UBR3: variants seen among roughly 807,000 people sequenced by gnomAD.
The protein encoded by UBR3 is ubiquitin protein ligase E3 component n-recognin 3.
In UBR3, 85 loss-of-function variants were observed where a neutral mutation model predicts 243.2. That is an observed-to-expected ratio of 0.35 (90% CI 0.29 to 0.42). The LOEUF is 0.42. Ranked by LOEUF, UBR3 falls within the 10% of genes least tolerant of loss-of-function variation. The pLI is 1.00. For synonymous variants in UBR3, 748 were observed against 799.8 expected, an observed-to-expected ratio of 0.94 and a Z score of 1.09; for missense variants, 1,686 against 2,300.8, an observed-to-expected ratio of 0.73 and a Z score of 5.47.
rs566180697 is a variant in UBR3 at position 170,073,021 on chromosome 2, G to T, written c.5020-407G>T. Among the ~76,000 whole-genome samples the T allele has an allele frequency of 2.6e-5, 4 of 151,934 alleles. No homozygotes were observed. In the East Asian group the frequency reaches 5.8e-4, roughly 22 times the overall value. Reference sequence around the variant, plus strand: ...TAGGCACATTATTTAGCACTCTCTCGTGAATTCCATGTTTTTATTATTGTT... The same window carrying T: ...TAGGCACATTATTTAGCACTCTCTCTTGAATTCCATGTTTTTATTATTGTT... On this transcript the variant is annotated intron_variant, in intron 35 of 38. Coordinates refer to ENST00000272793, the MANE Select transcript of UBR3 (RefSeq NM_172070.4).
chr2:169,827,881 C>T lies in UBR3; in HGVS notation c.374C>T (p.Thr125Ile). ...GCGGCGCTCTGCGGCCTGGTCTGGACAGCCAACTTCGTGGCCTACCGCTGC... is the reference window on the plus strand; with the variant it reads ...GCGGCGCTCTGCGGCCTGGTCTGGATAGCCAACTTCGTGGCCTACCGCTGC... The part of the protein sequence containing the change: ...DPAALCGLVW[T>I]ANFVAYRCRT... The change falls in exon 1 of 39, where the codon ACA becomes ATA. Residue 125 changes from threonine to isoleucine, a missense_variant. By Grantham distance (89) the Thr-to-Ile change is moderately conservative. This residue lies in a region of UBR3 where 145 missense variants were observed against 243.8 expected (regional missense o/e 0.59). Coordinates refer to ENST00000272793, the MANE Select transcript of UBR3 (RefSeq NM_172070.4). 1 of 1,517,704 alleles carries T rather than the reference C, an allele frequency of 6.6e-7. No homozygotes were observed. The highest frequency in any genetic ancestry group is 8.8e-7 in the Non-Finnish European group (1 of 1,136,326). 94.0% of individuals were successfully genotyped at this position (1,517,704 alleles called of 1,614,324 possible).
At position 169,949,986 on chromosome 2, in the gene UBR3, A is replaced by G; in HGVS notation, c.3466A>G (p.Ile1156Val). Residue 1156 changes from isoleucine (I) to valine (V), a missense_variant, in exon 23 of 39, where the codon ATA (isoleucine) becomes GTA (valine). This residue lies in a region of UBR3 where 300 missense variants were observed against 314.4 expected (regional missense o/e 0.95). Transcript: ENST00000272793. ...SRMNKRIIEE[I>V]CRKVTPPVPP... is the part of the protein sequence containing the mutation. ...AATGAACAAACGCATCATTGAAGAG[A>G]TATGTAGAAAAGTGACCCCTCCTGT... The G allele has an allele frequency of 1.2e-6, 2 of 1,613,596 alleles. No individual in the cohort carries two copies. Among genetic ancestry groups the G allele is most frequent in the Non-Finnish European group, 1.7e-6 (2 of 1,179,694 alleles).
At chr2:169,875,188 A>G (rs759924137) in intron 2 of UBR3, among the ~76,000 whole-genome samples, 5 of 151,632 alleles carry the variant, frequency 3.3e-5, no homozygotes, top group Non-Finnish European at 7.4e-5. Flanking sequence ...CTCTTATACT[A>G]CTCTCAATGT....
At chr2:170,052,921 C>T (rs1239890489) in intron 32 of UBR3, among the ~76,000 whole-genome samples, 2 of 152,186 alleles carry the variant, frequency 1.3e-5, no homozygotes, top group Non-Finnish European at 2.9e-5. Flanking sequence ...CATCATTTCA[C>T]AGTGTATGCT....
intron 8 of UBR3, among the ~76,000 whole-genome samples, chr2:169,898,795 A>G (rs1161512520): frequency 6.9e-6 from 1 of 143,966 alleles, no homozygotes; most frequent in East Asian, 2.0e-4. Context: ...TCTGCCTCCC[A>G]GGTTCACGCC....
Position 169,827,887 on chromosome 2 carries a change from A to C in UBR3, c.380A>C (p.Asn127Thr), listed in dbSNP as rs1457291936. The change falls in exon 1 of 39, where the codon AAC becomes ACC. Residue 127 changes from asparagine (N) to threonine (T), a missense_variant. Around this residue, in one of 8 missense-constraint regions of UBR3, gnomAD observed 145 missense variants for 243.8 expected, o/e 0.59. Transcript: ENST00000272793. ...AALCGLVWTA[N>T]FVAYRCRTCG... ...CTCTGCGGCCTGGTCTGGACAGCCAACTTCGTGGCCTACCGCTGCCGGACG... is the reference window on the plus strand; with the variant it reads ...CTCTGCGGCCTGGTCTGGACAGCCACCTTCGTGGCCTACCGCTGCCGGACG... 1 of 1,518,766 alleles carries C rather than the reference A, an allele frequency of 6.6e-7. No individual in the cohort carries two copies. The highest frequency in any genetic ancestry group is 8.8e-7 in the Non-Finnish European group (1 of 1,136,782). 94.1% of individuals were successfully genotyped at this position (1,518,766 alleles called of 1,614,324 possible). A position where few individuals can be genotyped will look rare whatever the true frequency, so the allele number is the denominator to read the frequency against.
chr2:169,892,968 A>C (rs73011774), intron 6 of UBR3, among the ~76,000 whole-genome samples: 6,627 of 152,318 alleles, frequency 0.044, 165 homozygotes, highest in Middle Eastern at 0.068. Context: ...TTTACAGTAC[A>C]TAATGATTCT....
chr2:169,987,399 A>C (rs1347438385), intron 25 of UBR3, among the ~76,000 whole-genome samples: 7 of 150,268 alleles, frequency 4.7e-5, no homozygotes, highest in East Asian at 2.0e-4. Context: ...TCTCAAAAAA[A>C]AAAAAAAAAC....
intron 1 of UBR3, among the ~76,000 whole-genome samples, chr2:169,853,487 G>A (rs908503898): frequency 6.9e-6 from 1 of 145,952 alleles, no homozygotes; most frequent in East Asian, 2.0e-4. Context: ...GTCTCACTCT[G>A]TTGCCCAGGC....
At chr2:169,890,540 GATATATATAT>G (rs1188196959) in intron 5 of UBR3, among the ~76,000 whole-genome samples, 77 of 75,790 alleles carry the variant, frequency 1.0e-3, no homozygotes, top group Middle Eastern at 6.3e-3. Context: ...GAGAGAGAGA[GATATATATAT>G]ATATATATAT....
At chr2:170,023,117 C>T (rs905051206) in intron 30 of UBR3, among the ~76,000 whole-genome samples, 1 of 151,934 alleles carries the variant, frequency 6.6e-6, no homozygotes, top group African/African-American at 2.4e-5. Context: ...CATGATATTT[C>T]AGAGTCATTT....
intron 5 of UBR3, among the ~76,000 whole-genome samples, chr2:169,881,995 AT>A (rs1188441468): frequency 1.6e-5 from 2 of 124,654 alleles, no homozygotes; most frequent in Non-Finnish European, 3.2e-5. Flanking sequence ...GTATATGTAT[AT>A]TTATATAATA....
At chr2:169,927,453 A>C in intron 17 of UBR3, 48 bp downstream of exon 17, 1 of 1,337,536 alleles carries the variant, frequency 7.5e-7, no homozygotes, top group Non-Finnish European at 1.0e-6. Flanking sequence ...ATCTAAAATA[A>C]GTATTTTTTA....
intron 27 of UBR3, among the ~76,000 whole-genome samples, chr2:170,005,155 C>T (rs1015940615): frequency 1.3e-5 from 2 of 151,786 alleles, no homozygotes; most frequent in South Asian, 2.1e-4. Flanking sequence ...ACCCTGGAGG[C>T]GGAGTTTGCA....
At chr2:170,079,349 A>T (rs1239054812) in intron 36 of UBR3, among the ~76,000 whole-genome samples, 2 of 152,218 alleles carry the variant, frequency 1.3e-5, no homozygotes, top group Non-Finnish European at 2.9e-5. Context: ...ATTCTACATT[A>T]TAAAGTATTA....
chr2:170,070,020 T>C (rs995024686), intron 35 of UBR3, among the ~76,000 whole-genome samples: 4 of 152,136 alleles, frequency 2.6e-5, no homozygotes, highest in Non-Finnish European at 5.9e-5. Context: ...ATATTTTTGA[T>C]GTATGGCTGG....
At chr2:170,034,807 T>C (rs1328841246) in intron 31 of UBR3, among the ~76,000 whole-genome samples, 1 of 152,048 alleles carries the variant, frequency 6.6e-6, no homozygotes, top group East Asian at 1.9e-4. Flanking sequence ...ATGAGAGTTC[T>C]TGTTACTCCA....
intron 18 of UBR3, among the ~76,000 whole-genome samples, chr2:169,929,662 T>C (rs2086046282): frequency 6.6e-6 from 1 of 152,164 alleles, no homozygotes; most frequent in Admixed American, 6.5e-5. Context: ...TTTCCTTAAG[T>C]GGATGATTGG....
rs763101386 is a variant in UBR3, at chr2:170,084,123, T to C, written c.*2280T>C. 1 of 152,284 alleles carries C rather than the reference T, an allele frequency of 6.6e-6. No homozygotes were observed. Among genetic ancestry groups the C allele is most frequent in the Non-Finnish European group, 1.5e-5 (1 of 68,030 alleles). The allele number at this position is 152,284 out of a possible 1,614,324, so 9.4% of individuals were successfully genotyped here. On this transcript the variant is annotated 3_prime_UTR_variant, in exon 39 of 39. Coordinates refer to ENST00000272793, the MANE Select transcript of UBR3 (RefSeq NM_172070.4). Reference sequence around the variant, plus strand: ...CTGCTGTCATTTGGTTTGTGAAAGGTCCTTAAAATGTTTACTGCTTACATG... The same window carrying C: ...CTGCTGTCATTTGGTTTGTGAAAGGCCCTTAAAATGTTTACTGCTTACATG...
Sources: allele counts gnomAD v4.1 joint callset (sites outside exome capture counted in the v4.1 genomes callset), GRCh38; gene constraint gnomAD v4.1.1; regional missense constraint gnomAD v4.1.1; transcripts MANE v1.5; gene names NCBI Gene and HGNC (gene_info 2026-07-23, HGNC 2026-07-21).